TCF12: variants seen among roughly 807,000 people sequenced by gnomAD.
TCF12 encodes transcription factor 12, also known as DNA-binding protein HTF4.
TCF12 carries 45 observed loss-of-function variants against 86.0 expected under a neutral mutation model. The observed-to-expected ratio is 0.52, with a 90% CI of 0.41 to 0.67. TCF12 has a LOEUF of 0.67. Ranked by LOEUF, TCF12 falls within the 30% of genes least tolerant of loss-of-function variation. The pLI, the probability that TCF12 is intolerant of heterozygous loss-of-function variation, is 0.00. For missense variants in TCF12, 881 were observed against 859.9 expected, an observed-to-expected ratio of 1.02 and a Z score of -0.31; for synonymous variants, 330 against 299.6, an observed-to-expected ratio of 1.10 and a Z score of -1.05.
At chr15:57,170,902 A>T (rs1182830234) in intron 6 of TCF12, among the ~76,000 whole-genome samples, 3 of 141,584 alleles carry the variant, frequency 2.1e-5, no homozygotes, top group Admixed American at 7.4e-5. Context: ...TCATCCTGAC[A>T]AAGTGCTGTG....
At chr15:57,019,113 A>G (rs557004636) in intron 3 of TCF12, among the ~76,000 whole-genome samples, 4 of 152,222 alleles carry the variant, frequency 2.6e-5, no homozygotes, top group Admixed American at 1.3e-4. Flanking sequence ...AATCAACCTA[A>G]CAAGAAAGTA....
chr15:56,976,169 C>T (rs1473815001), intron 3 of TCF12, among the ~76,000 whole-genome samples: 2 of 142,134 alleles, frequency 1.4e-5, no homozygotes, highest in Non-Finnish European at 3.0e-5. Flanking sequence ...TTCATTCTGT[C>T]TTTTCTATAA....
intron 3 of TCF12, among the ~76,000 whole-genome samples, chr15:56,964,077 A>G (rs2061894010): frequency 6.6e-6 from 1 of 152,190 alleles, no homozygotes; most frequent in South Asian, 2.1e-4. Context: ...TTGAGCGCAA[A>G]TATGTTTTGA....
At chr15:57,193,799 T>C (rs910978583) in intron 7 of TCF12, among the ~76,000 whole-genome samples, 1 of 152,230 alleles carries the variant, frequency 6.6e-6, no homozygotes, top group Admixed American at 6.5e-5. Flanking sequence ...GATCATCATA[T>C]TCAGCATAGA....
At chr15:57,219,603 C>G in intron 8 of TCF12, 1 of 1,610,034 alleles carries the variant, frequency 6.2e-7, no homozygotes. Context: ...AAGCCTTTTT[C>G]TTTGTATAGC....
rs1331681116 is a variant in TCF12 at position 56,952,046 on chromosome 15, T to TTG, written c.148+30960_148+30961dup. ...GTGTGACGTATGGATTGAAGTTTTT[T>TTG]TGTGTGTGTGTGTATGATGAGCCAC... On this transcript the variant is annotated intron_variant, in intron 3 of 20. Coordinates refer to ENST00000333725, the MANE Select transcript of TCF12 (RefSeq NM_207037.2). Among the ~76,000 whole-genome samples, 12 of 152,088 alleles carry TTG rather than the reference T, an allele frequency of 7.9e-5. No homozygotes were observed. The South Asian group carries it at 8.3e-4, about 11-fold the overall frequency.
intron 3 of TCF12, among the ~76,000 whole-genome samples, chr15:56,961,044 GC>G (rs1445104532): frequency 6.6e-6 from 1 of 150,944 alleles, no homozygotes; most frequent in African/African-American, 2.4e-5. Context: ...GGAGGCTGAG[GC>G]AGGAGAATTG....
chr15:56,923,290 T>C (rs2059871820), intron 3 of TCF12, among the ~76,000 whole-genome samples: 1 of 152,098 alleles, frequency 6.6e-6, no homozygotes, highest in African/African-American at 2.4e-5. Context: ...CTATAGCATG[T>C]GATGTTATCT....
intron 5 of TCF12, among the ~76,000 whole-genome samples, chr15:57,105,423 T>G (rs1327652751): frequency 2.0e-5 from 3 of 152,094 alleles, no homozygotes; most frequent in African/African-American, 4.8e-5. Context: ...GGTGGTGGTG[T>G]TTTTTTAGAC....
At chr15:57,083,214 G>A (rs533216620) in intron 4 of TCF12, among the ~76,000 whole-genome samples, 1 of 152,184 alleles carries the variant, frequency 6.6e-6, no homozygotes, top group African/African-American at 2.4e-5. Context: ...AAACTATACT[G>A]GTAATGTTCT....
chr15:56,949,164 G>T (rs2061151471), intron 3 of TCF12, among the ~76,000 whole-genome samples: 1 of 152,100 alleles, frequency 6.6e-6, no homozygotes, highest in South Asian at 2.1e-4. Flanking sequence ...GGTGTTCTGA[G>T]CTATTTATTG....
chr15:57,005,825 C>T (rs2064337744), intron 3 of TCF12, among the ~76,000 whole-genome samples: 1 of 152,124 alleles, frequency 6.6e-6, no homozygotes, highest in Non-Finnish European at 1.5e-5. Context: ...CTGCCTTAGC[C>T]TCCCAAAGTG....
chr15:57,013,720 T>C (rs1195856106), intron 3 of TCF12, among the ~76,000 whole-genome samples: 5 of 152,192 alleles, frequency 3.3e-5, no homozygotes, highest in African/African-American at 1.2e-4. Context: ...ATAACTATAG[T>C]GTAGAGAAGT....
chr15:57,153,912 C>G (rs1167088931), intron 5 of TCF12, among the ~76,000 whole-genome samples: 1 of 151,380 alleles, frequency 6.6e-6, no homozygotes, highest in Non-Finnish European at 1.5e-5. Context: ...ATGGGAGGAT[C>G]TCAGCCCAAG....
intron 18 of TCF12, among the ~76,000 whole-genome samples, chr15:57,271,735 C>T (rs1173325773): frequency 2.0e-5 from 3 of 152,128 alleles, no homozygotes; most frequent in Non-Finnish European, 4.4e-5. Context: ...CAACCCACCT[C>T]GGCAATGTAT....
In TCF12 at chr15:57,177,181, G is replaced by T. The variant is rs541777101; in HGVS notation, c.390+10715G>T. Among the ~76,000 whole-genome samples, 4 of 152,134 alleles carry T rather than the reference G, an allele frequency of 2.6e-5. No individual in the cohort carries two copies. The South Asian group carries it at 8.3e-4, about 32-fold the overall frequency. The stretch of plus-strand genomic sequence containing the variant: ...CCATCAGCTGCCTGCAGAGTGATGT[G>T]CATTTTGTGGGTTGTTTGGAACATA... On this transcript the variant is annotated intron_variant, in intron 6 of 20. Transcript: ENST00000333725.
chr15:57,203,087 C>T (rs546677224), intron 8 of TCF12, among the ~76,000 whole-genome samples: 2 of 152,288 alleles, frequency 1.3e-5, no homozygotes, highest in Non-Finnish European at 2.9e-5. Flanking sequence ...ATGTATGTGC[C>T]TGGCACCTAA....
Position 57,123,124 on chromosome 15 carries a change from CT to C in TCF12, c.325+31236del, listed in dbSNP as rs2051358489. Reference sequence around the variant, plus strand: ...AAACTTCCTGCCTTTATGTGTGTTTCTTTCTTGTTAAATTCAAACTTTAGCT... The same window carrying C: ...AAACTTCCTGCCTTTATGTGTGTTTCTTCTTGTTAAATTCAAACTTTAGCT... On this transcript the variant is annotated intron_variant, in intron 5 of 20. Transcript: ENST00000333725. 3.3e-5 allele frequency among the ~76,000 whole-genome samples: 5 copies of C among 152,232 alleles called. No individual in the cohort carries two copies. In the South Asian group the frequency reaches 1.0e-3, roughly 32 times the overall value.
intron 3 of TCF12, among the ~76,000 whole-genome samples, chr15:57,042,928 A>G (rs1171303726): frequency 6.6e-6 from 1 of 152,142 alleles, no homozygotes; most frequent in African/African-American, 2.4e-5. Flanking sequence ...CCCACTCTAC[A>G]GTAATCACCA....
Sources: gnomAD v4.1 joint callset for allele counts (sites outside exome capture counted in the v4.1 genomes callset) on GRCh38, gnomAD v4.1.1 for gene constraint, MANE v1.5 for transcripts, NCBI Gene and HGNC (gene_info 2026-07-23, HGNC 2026-07-21) for gene names.